Variants in AKAP6 observed in about 807,000 individuals in gnomAD.
AKAP6 encodes the protein A-kinase anchoring protein 6, also known as A-kinase anchor protein 6.
AKAP6 carries 58 observed loss-of-function variants against 188.5 expected under a neutral mutation model. The ratio of observed to expected loss-of-function variants is 0.31; its 90% CI spans 0.25 to 0.38. The LOEUF (loss-of-function observed/expected upper bound fraction) is 0.38. Among genes scored for constraint, AKAP6 ranks in the 10% least tolerant of loss-of-function variants. The probability of loss-of-function intolerance (pLI) is 1.00; values close to 1 mark genes in which losing one functional copy is unlikely to be tolerated. For synonymous variants in AKAP6, 989 were observed against 998.6 expected (o/e 0.99, Z 0.18); for missense variants, 2,710 against 2,740.0 (o/e 0.99, Z 0.24).
At chr14:32,599,626 A>G in intron 6 of AKAP6, 120 bp downstream of exon 6, 1 of 687,306 alleles carries the variant, frequency 1.5e-6, no homozygotes, top group Non-Finnish European at 2.3e-6. Flanking sequence ...TTACATTATC[A>G]GATTGACCTT....
rs559238553 is a variant in AKAP6, at chr14:32,539,549, A to C, written c.576+3744A>C. Among the ~76,000 whole-genome samples, 4 of 152,330 alleles carry C rather than the reference A, an allele frequency of 2.6e-5. No homozygotes were observed. In the East Asian group the frequency reaches 7.7e-4, roughly 29 times the overall value. On this transcript the variant is annotated intron_variant, in intron 3 of 13. Transcript: ENST00000280979. ...TTAGTTGAATTAAATAATACAGATA[A>C]TCCCTGCTTTAGATGTGGAAGAGGG...
Position 32,732,461 on chromosome 14 carries a change from G to A in AKAP6, c.3008G>A (p.Ser1003Asn), listed in dbSNP as rs200786657. 9 of 1,612,906 alleles carry A rather than the reference G, an allele frequency of 5.6e-6. No homozygotes were observed. The East Asian group carries it at 1.6e-4, about 28-fold the overall frequency. The change falls in exon 10 of 14, where the codon AGT (serine) becomes AAT (asparagine). Residue 1003 changes from serine (S) to asparagine (N), a missense_variant. By Grantham distance (46) the Ser-to-Asn change is conservative. This residue lies in a region of AKAP6 where 2,473 missense variants were observed against 2,426.1 expected (regional missense o/e 1.02). Coordinates refer to ENST00000280979, the MANE Select transcript of AKAP6 (RefSeq NM_004274.5). Reference protein sequence around the residue: ...EQQQHLYKRYSVEMSIRHLKK... With the variant: ...EQQQHLYKRYNVEMSIRHLKK... ...TTTCTCTTTTCATTTTAGCGATACA[G>A]TGTGGAAATGTCCATCAGACACCTG...
intron 12 of AKAP6, among the ~76,000 whole-genome samples, chr14:32,786,296 A>ATGGTTTTTTTTTTTTTTTTTTT: frequency 6.4e-5 from 6 of 93,704 alleles, no homozygotes; most frequent in African/African-American, 2.5e-4. Context: ...CTAAACCTTT[A>ATGGTTTTTTTTTTTTTTTTTTT]TCTTTTTTTT....
chr14:32,482,178 C>G (rs565252664), intron 2 of AKAP6, among the ~76,000 whole-genome samples: 2 of 152,316 alleles, frequency 1.3e-5, no homozygotes, highest in East Asian at 3.9e-4. Context: ...ATCTCCTTCT[C>G]AGGAAGACAA....
intron 8 of AKAP6, among the ~76,000 whole-genome samples, chr14:32,684,223 A>G (rs912450601): frequency 2.0e-5 from 3 of 152,194 alleles, no homozygotes; most frequent in African/African-American, 7.2e-5. Context: ...AGGCTGAGAG[A>G]GCCAAGAATT....
chr14:32,795,601 T>A (rs554124636), intron 12 of AKAP6, among the ~76,000 whole-genome samples: 9 of 152,298 alleles, frequency 5.9e-5, no homozygotes, highest in African/African-American at 2.2e-4. Flanking sequence ...CCCTTCATGT[T>A]AAAAACTGTC....
At chr14:32,576,704 A>G (rs1190888562) in intron 4 of AKAP6, among the ~76,000 whole-genome samples, 1 of 152,128 alleles carries the variant, frequency 6.6e-6, no homozygotes, top group Non-Finnish European at 1.5e-5. Flanking sequence ...CAACATCTTT[A>G]CAGGAATGCC....
At chr14:32,652,768 A>G (rs1029273628) in intron 7 of AKAP6, among the ~76,000 whole-genome samples, 1 of 152,146 alleles carries the variant, frequency 6.6e-6, no homozygotes, top group Non-Finnish European at 1.5e-5. Flanking sequence ...AATGTCCATC[A>G]TTAGAGTGGT....
chr14:32,348,211 G>A (rs1887131315), intron 1 of AKAP6, among the ~76,000 whole-genome samples: 1 of 152,158 alleles, frequency 6.6e-6, no homozygotes, highest in African/African-American at 2.4e-5. Context: ...AGAGGTTCCA[G>A]CCTATGGCAG....
chr14:32,517,658 C>T (rs1296249196), intron 2 of AKAP6, among the ~76,000 whole-genome samples: 1 of 152,232 alleles, frequency 6.6e-6, no homozygotes, highest in African/African-American at 2.4e-5. Flanking sequence ...GGGGCGTCCA[C>T]CATTGCTGAG....
At chr14:32,433,278 C>A in intron 1 of AKAP6, 182 bp from the exon 2 acceptor site, 2 of 515,976 alleles carry the variant, frequency 3.9e-6, no homozygotes. Context: ...CATATTATTT[C>A]CTGGCTCTTG....
intron 3 of AKAP6, among the ~76,000 whole-genome samples, chr14:32,541,767 A>C (rs1022282495): frequency 6.6e-6 from 1 of 152,198 alleles, no homozygotes; most frequent in African/African-American, 2.4e-5. Flanking sequence ...GATTAAAGAA[A>C]ATACAACCTG....
chr14:32,380,051 T>G (rs942029), intron 1 of AKAP6, among the ~76,000 whole-genome samples: 2 of 152,032 alleles, frequency 1.3e-5, no homozygotes, highest in South Asian at 2.1e-4. Flanking sequence ...CTTCTTCACA[T>G]TTGAAGCTCT....
chr14:32,612,551 T>G (rs533700176), intron 7 of AKAP6, among the ~76,000 whole-genome samples: 8 of 152,310 alleles, frequency 5.3e-5, no homozygotes, highest in African/African-American at 1.9e-4. Flanking sequence ...ACTTGTTATT[T>G]TTTTTGTAAA....
chr14:32,557,250 A>C (rs566705313), intron 4 of AKAP6, among the ~76,000 whole-genome samples: 3 of 152,052 alleles, frequency 2.0e-5, no homozygotes, highest in Non-Finnish European at 2.9e-5. Flanking sequence ...TCATGCCTGG[A>C]TAATTTTCAT....
At chr14:32,791,006 T>C (rs1389755733) in intron 12 of AKAP6, among the ~76,000 whole-genome samples, 1 of 152,234 alleles carries the variant, frequency 6.6e-6, no homozygotes, top group Admixed American at 6.5e-5. Context: ...ATTTTATTTA[T>C]CCAGTCTATC....
intron 1 of AKAP6, among the ~76,000 whole-genome samples, chr14:32,382,891 C>G (rs754314794): frequency 2.6e-5 from 4 of 152,126 alleles, no homozygotes; most frequent in Non-Finnish European, 5.9e-5. Flanking sequence ...AGTGGGCCCG[C>G]AAAGAGTGCT....
At chr14:32,585,928 A>G (rs940122532) in intron 5 of AKAP6, among the ~76,000 whole-genome samples, 1 of 152,034 alleles carries the variant, frequency 6.6e-6, no homozygotes, top group African/African-American at 2.4e-5. Context: ...GTGGTAAAGG[A>G]GTTTGAATGT....
chr14:32,809,155 G>A (rs563249054), intron 12 of AKAP6, among the ~76,000 whole-genome samples: 8 of 152,294 alleles, frequency 5.3e-5, no homozygotes, highest in Admixed American at 2.0e-4. Context: ...GAAAGCTGGC[G>A]CATTTTTATT....
Sources: gnomAD v4.1 joint callset for allele counts (sites outside exome capture counted in the v4.1 genomes callset) on GRCh38, gnomAD v4.1.1 for gene constraint, gnomAD v4.1.1 regional missense constraint, MANE v1.5 for transcripts, NCBI Gene and HGNC (gene_info 2026-07-23, HGNC 2026-07-21) for gene names.